Variants in DMD observed in about 807,000 individuals in gnomAD.
DMD encodes the protein mutant dystrophin.
A neutral mutation model predicts 330.1 loss-of-function variants in DMD; 63 were observed. The observed-to-expected ratio is 0.19, with a 90% CI of 0.16 to 0.24. The LOEUF is 0.24. Among genes scored for constraint, DMD ranks in the 10% least tolerant of loss-of-function variants. The pLI is 1.00. For missense variants in DMD, 3,344 were observed against 2,684.1 expected (o/e 1.25, Z -5.43); for synonymous variants, 1,223 against 959.8 (o/e 1.27, Z -5.07).
At chrX:32,866,752 G>GGT (rs2082539632) in intron 2 of DMD, among the ~76,000 whole-genome samples, 3 of 84,104 alleles carry the variant, frequency 3.6e-5, no homozygotes, top group Non-Finnish European at 7.0e-5. Context: ...TGGGGGGGGG[G>GGT]GGACAGAGTT....
At chrX:32,888,503 A>T (rs1417491704) in intron 2 of DMD, among the ~76,000 whole-genome samples, 1 of 112,142 alleles carries the variant, frequency 8.9e-6, no homozygotes, top group African/African-American at 3.2e-5. Flanking sequence ...CAAAAAGACA[A>T]AGGATAACTA....
chrX:33,122,640 A>T (rs948573232), intron 1 of DMD, among the ~76,000 whole-genome samples: 1 of 112,666 alleles, frequency 8.9e-6, no homozygotes, highest in East Asian at 2.8e-4. Flanking sequence ...TTCAAATAAC[A>T]TGAGTTTAAT....
chrX:31,237,590 C>T (rs1383528508), intron 63 of DMD, among the ~76,000 whole-genome samples: 1 of 112,006 alleles, frequency 8.9e-6, no homozygotes, highest in Non-Finnish European at 1.9e-5. Flanking sequence ...ACTGCCTGGC[C>T]CTCTGACATA....
rs902545571 is a variant in DMD, at chrX:32,293,276, G to C, written c.6118-5575C>G. Among the ~76,000 whole-genome samples the C allele has an allele frequency of 7.1e-5, 8 of 112,282 alleles. No homozygotes were observed. In the East Asian group the frequency reaches 2.0e-3, roughly 28 times the overall value. ...TGTGTGTGATGTTGAATAAGACTAG[G>C]GATGGTCAGATTGCTCAGGAAAGGT... On this transcript the variant is annotated intron_variant, in intron 42 of 78. Transcript: ENST00000357033.
intron 1 of DMD, among the ~76,000 whole-genome samples, chrX:33,056,142 T>G (rs1395154980): frequency 5.4e-5 from 6 of 110,443 alleles, no homozygotes; most frequent in Non-Finnish European, 9.4e-5. Context: ...TGAATGTAAA[T>G]ATTAGCATTT....
chrX:32,947,007 C>T (rs760487193), intron 2 of DMD, among the ~76,000 whole-genome samples: 1 of 112,338 alleles, frequency 8.9e-6, no homozygotes, highest in East Asian at 2.8e-4. Flanking sequence ...AAGATTAAAA[C>T]TTAAGGCTTA....
chrX:32,699,422 C>G lies in DMD; in HGVS notation c.650-129G>C, dbSNP rs1418461982. On this transcript the variant is annotated intron_variant, in intron 7 of 78. Coordinates refer to ENST00000357033, the MANE Select transcript of DMD (RefSeq NM_004006.3). ...ACAGTGAATTGTCCATGAATGTCCT[C>G]CAGAGACTAATTAGAACATGAGAAT... is the stretch of plus-strand genomic sequence containing the variant. 5.3e-6 allele frequency: 3 copies of G among 565,141 alleles called. No individual in the cohort carries two copies. The East Asian group carries it at 1.1e-4, about 20-fold the overall frequency. 46.6% of individuals were successfully genotyped at this position (565,141 alleles called of 1,213,427 possible).
Position 32,409,797 on chromosome X carries a change from T to G in DMD, c.4233+1955A>C, listed in dbSNP as rs141528446. On this transcript the variant is annotated intron_variant, in intron 30 of 78. Transcript: ENST00000357033. ...TCAAAACTCATGTCATTAGTTTAAA[T>G]GAAAGCAGTTCTACTCTGTATTTCA... Among the ~76,000 whole-genome samples the G allele has an allele frequency of 5.9e-3, 664 of 111,672 alleles. 2 individuals are homozygous for G. The highest frequency in any genetic ancestry group is 0.042 in the South Asian group (112 of 2,687).
chrX:32,992,028 T>C (rs182930337), intron 2 of DMD, among the ~76,000 whole-genome samples: 26 of 112,315 alleles, frequency 2.3e-4, no homozygotes, highest in Non-Finnish European at 4.1e-4. Flanking sequence ...CATTTTGTCA[T>C]TCATTTAAAA....
At chrX:31,444,419 CA>C in intron 60 of DMD, 61 bp downstream of exon 60, 2 of 1,168,288 alleles carry the variant, frequency 1.7e-6, no homozygotes, top group Non-Finnish European at 2.3e-6. Context: ...TTGTTCTTTA[CA>C]AATTTTATCT....
At chrX:31,330,078 T>C (rs148602396) in intron 61 of DMD, among the ~76,000 whole-genome samples, 3,713 of 104,925 alleles carry the variant, frequency 0.035, 159 homozygotes, top group African/African-American at 0.12. Context: ...TTGTAGGTAA[T>C]GAATATGTTC....
At chrX:31,333,985 C>T (rs1197587104) in intron 61 of DMD, among the ~76,000 whole-genome samples, 9 of 109,619 alleles carry the variant, frequency 8.2e-5, no homozygotes, top group South Asian at 4.0e-4. Context: ...CAGGCTGGAG[C>T]GCAATGGCGC....
Position 31,575,535 on chromosome X carries a change from GCA to G in DMD, c.8217+52136_8217+52137del, listed in dbSNP as rs929804171. Among the ~76,000 whole-genome samples, 6 of 111,936 alleles carry G rather than the reference GCA, an allele frequency of 5.4e-5. No individual in the cohort carries two copies. The Admixed American group carries it at 5.7e-4, about 11-fold the overall frequency. On this transcript the variant is annotated intron_variant, in intron 55 of 78. Transcript: ENST00000357033. Reference sequence around the variant, plus strand: ...TGGTGCCACCTGTTTGGAAAGAAGGGCACATCAGGATTTTGAGTACATATTTT... The same window carrying G: ...TGGTGCCACCTGTTTGGAAAGAAGGGCATCAGGATTTTGAGTACATATTTT...
intron 18 of DMD, among the ~76,000 whole-genome samples, chrX:32,508,845 C>T (rs1346476300): frequency 9.1e-6 from 1 of 110,118 alleles, no homozygotes; most frequent in Non-Finnish European, 1.9e-5. Context: ...GAGTCTCGCT[C>T]TGTCGCCCAG....
chrX:33,048,068 C>A (rs1265234937), intron 1 of DMD, among the ~76,000 whole-genome samples: 2 of 111,861 alleles, frequency 1.8e-5, no homozygotes, highest in African/African-American at 3.2e-5. Context: ...ATCTATTAAA[C>A]CTAACTGTAT....
chrX:32,307,339 A>G (rs1019668833), intron 42 of DMD, among the ~76,000 whole-genome samples: 1 of 111,575 alleles, frequency 9.0e-6, no homozygotes, highest in Non-Finnish European at 1.9e-5. Flanking sequence ...AGAATGAGTG[A>G]GTAGTGGTAT....
intron 51 of DMD, among the ~76,000 whole-genome samples, chrX:31,737,643 T>C (rs1346695782): frequency 8.9e-6 from 1 of 112,422 alleles, no homozygotes; most frequent in African/African-American, 3.2e-5. Context: ...TACTGCCATA[T>C]TGGTCAACCT....
chrX:32,293,519 C>T (rs781768353), intron 42 of DMD, among the ~76,000 whole-genome samples: 26 of 111,280 alleles, frequency 2.3e-4, no homozygotes, highest in Non-Finnish European at 4.3e-4. Context: ...GTGATCTTAT[C>T]GAGAGCAACA....
At chrX:31,367,287 G>A (rs1001770575) in intron 60 of DMD, among the ~76,000 whole-genome samples, 7 of 111,197 alleles carry the variant, frequency 6.3e-5, no homozygotes, top group Non-Finnish European at 1.3e-4. Flanking sequence ...GAAAAATAAC[G>A]CCTTTTTTTT....
Sources: gnomAD v4.1 joint callset for allele counts (sites outside exome capture counted in the v4.1 genomes callset) on GRCh38, gnomAD v4.1.1 for gene constraint, MANE v1.5 for transcripts, NCBI Gene and HGNC (gene_info 2026-07-23, HGNC 2026-07-21) for gene names.